Variants in SORCS3 observed in about 807,000 individuals in gnomAD.
The protein encoded by SORCS3 is sortilin related VPS10 domain containing receptor 3.
A neutral mutation model predicts 146.3 loss-of-function variants in SORCS3; 57 were observed. The ratio of observed to expected loss-of-function variants is 0.39; its 90% confidence interval spans 0.31 to 0.49. SORCS3 has a LOEUF of 0.49. Ranked by LOEUF, SORCS3 falls within the 20% of genes least tolerant of loss-of-function variation. The pLI, the probability that SORCS3 is intolerant of heterozygous loss-of-function variation, is 0.92. For missense variants in SORCS3, 1,341 were observed against 1,575.5 expected (o/e 0.85, Z 2.52); for synonymous variants, 653 against 618.5 (o/e 1.06, Z -0.83).
chr10:105,111,885 G>A (rs1225923820), intron 7 of SORCS3, among the ~76,000 whole-genome samples: 1 of 152,190 alleles, frequency 6.6e-6, no homozygotes, highest in African/African-American at 2.4e-5. Context: ...TCTGCCCAGA[G>A]GAGAAGGCCT....
chr10:104,664,633 T>C (rs2015745690), intron 1 of SORCS3: 1 of 152,172 alleles, frequency 6.6e-6, no homozygotes, highest in Non-Finnish European at 1.5e-5. Context: ...TGACTTTATT[T>C]TGGAGTAGTT....
In SORCS3 at chr10:104,850,230, G is replaced by A. The variant is rs531338513; in HGVS notation, c.695+7371G>A. ...GAATGTGTTAAACATCTAAATTTAT[G>A]GGCCCTACCCAAGAGATTTCAATTT... On this transcript the variant is annotated intron_variant, in intron 2 of 26. Transcript: ENST00000369701. 9.9e-4 allele frequency among the ~76,000 whole-genome samples: 151 copies of A among 152,252 alleles called. 1 individual carries two copies. The highest frequency in any genetic ancestry group is 3.3e-3 in the African/African-American group (137 of 41,534).
intron 5 of SORCS3, among the ~76,000 whole-genome samples, chr10:105,064,056 A>G (rs2055505946): frequency 6.6e-6 from 1 of 152,212 alleles, no homozygotes; most frequent in African/African-American, 2.4e-5. Flanking sequence ...ACTTCAAGCA[A>G]CATTTGTTGA....
intron 1 of SORCS3, among the ~76,000 whole-genome samples, chr10:104,742,668 T>A (rs2016862121): frequency 6.6e-6 from 1 of 152,180 alleles, no homozygotes. Context: ...CAGAGCCAGG[T>A]CTGGGCCCCA....
At chr10:105,122,371 C>G (rs942487993) in intron 7 of SORCS3, among the ~76,000 whole-genome samples, 2 of 152,144 alleles carry the variant, frequency 1.3e-5, no homozygotes, top group African/African-American at 4.8e-5. Context: ...CTGAAACCCC[C>G]TCATGGTCAG....
At chr10:104,687,272 C>A (rs2016056184) in intron 1 of SORCS3, among the ~76,000 whole-genome samples, 1 of 152,158 alleles carries the variant, frequency 6.6e-6, no homozygotes, top group Admixed American at 6.5e-5. Flanking sequence ...ATCATCCAAC[C>A]AATCTGGCTT....
chr10:105,199,783 T>C (rs2056563736), intron 14 of SORCS3, among the ~76,000 whole-genome samples: 1 of 152,216 alleles, frequency 6.6e-6, no homozygotes, highest in Non-Finnish European at 1.5e-5. Context: ...ATTTAAAAAA[T>C]GGTTGATTTA....
At chr10:105,199,172 A>C (rs900662599) in intron 14 of SORCS3, among the ~76,000 whole-genome samples, 4 of 151,708 alleles carry the variant, frequency 2.6e-5, no homozygotes, top group South Asian at 2.1e-4. Flanking sequence ...ACTATGATAG[A>C]TGTCTTGCAT....
chr10:104,694,508 A>G (rs1484250657), intron 1 of SORCS3, among the ~76,000 whole-genome samples: 1 of 151,982 alleles, frequency 6.6e-6, no homozygotes, highest in Non-Finnish European at 1.5e-5. Context: ...TGCTTTAAGT[A>G]TTGGCAGCTA....
intron 1 of SORCS3, among the ~76,000 whole-genome samples, chr10:104,715,435 T>C (rs75303438): frequency 3.7e-3 from 561 of 152,328 alleles, no homozygotes; most frequent in African/African-American, 0.013. Context: ...GCCATCAGAC[T>C]TGGACTGAAT....
At chr10:104,710,362 C>T (rs2016400649) in intron 1 of SORCS3, among the ~76,000 whole-genome samples, 2 of 152,140 alleles carry the variant, frequency 1.3e-5, no homozygotes, top group South Asian at 4.1e-4. Flanking sequence ...ATTCATGTAT[C>T]ACATATTTCT....
chr10:104,765,478 A>G (rs1485150927), intron 1 of SORCS3, among the ~76,000 whole-genome samples: 1 of 152,120 alleles, frequency 6.6e-6, no homozygotes, highest in Non-Finnish European at 1.5e-5. Flanking sequence ...AGGGTTGTTG[A>G]GAGATTAAGT....
intron 4 of SORCS3, among the ~76,000 whole-genome samples, chr10:105,030,766 T>C (rs1488284194): frequency 6.6e-6 from 1 of 151,888 alleles, no homozygotes; most frequent in African/African-American, 2.4e-5. Context: ...CTAATTTTTG[T>C]ATTTTTAGTA....
intron 7 of SORCS3, among the ~76,000 whole-genome samples, chr10:105,138,690 T>C (rs1260558439): frequency 1.3e-5 from 2 of 152,206 alleles, no homozygotes; most frequent in African/African-American, 4.8e-5. Flanking sequence ...GGTTTCCACT[T>C]TCCTCCCATT....
intron 19 of SORCS3, among the ~76,000 whole-genome samples, chr10:105,218,977 T>C (rs978076179): frequency 2.0e-5 from 3 of 152,138 alleles, no homozygotes; most frequent in Non-Finnish European, 4.4e-5. Flanking sequence ...ATCACGCCAC[T>C]GTACTCCAGC....
At chr10:104,710,333 A>G (rs1204591545) in intron 1 of SORCS3, among the ~76,000 whole-genome samples, 1 of 152,178 alleles carries the variant, frequency 6.6e-6, no homozygotes, top group Non-Finnish European at 1.5e-5. Flanking sequence ...TGTGCTGGGG[A>G]AGGACCTTTG....
At chr10:104,645,429 C>T (rs1441950299) in intron 1 of SORCS3, among the ~76,000 whole-genome samples, 1 of 152,218 alleles carries the variant, frequency 6.6e-6, no homozygotes, top group Non-Finnish European at 1.5e-5. Flanking sequence ...GCACAGTCCA[C>T]TTCTCCACAC....
chr10:105,223,285 G>C, intron 20 of SORCS3, 36 bp downstream of exon 20: 1 of 1,557,660 alleles, frequency 6.4e-7, no homozygotes, highest in African/African-American at 1.4e-5. Context: ...AATTAGATCT[G>C]TACTGAATGC....
At chr10:104,650,774 T>C (rs1469103516) in intron 1 of SORCS3, among the ~76,000 whole-genome samples, 1 of 152,238 alleles carries the variant, frequency 6.6e-6, no homozygotes, top group Non-Finnish European at 1.5e-5. Flanking sequence ...CTGCTGTTGC[T>C]GGCCTGGGAT....
Sources: gnomAD v4.1 joint callset for allele counts (sites outside exome capture counted in the v4.1 genomes callset) on GRCh38, gnomAD v4.1.1 for gene constraint, MANE v1.5 for transcripts, NCBI Gene and HGNC (gene_info 2026-07-23, HGNC 2026-07-21) for gene names.